KLHDC1: variants seen among roughly 807,000 people sequenced by gnomAD.
KLHDC1 encodes the protein kelch domain containing 1.
A neutral mutation model predicts 68.3 loss-of-function variants in KLHDC1; 53 were observed. The observed-to-expected ratio is 0.78, with a 90% CI of 0.62 to 0.98. The LOEUF (loss-of-function observed/expected upper bound fraction) is 0.98. Among genes scored for constraint, KLHDC1 ranks in the 50% least tolerant of loss-of-function variants. The pLI is 0.00. For synonymous variants in KLHDC1, 148 were observed against 159.0 expected, an observed-to-expected ratio of 0.93 and a Z score of 0.52; for missense variants, 470 against 492.3, an observed-to-expected ratio of 0.95 and a Z score of 0.43.
rs151061446 is a variant in KLHDC1, at chr14:49,742,668, G to T, written c.982-1085G>T. On this transcript the variant is annotated intron_variant, in intron 11 of 12. Coordinates refer to ENST00000359332, the MANE Select transcript of KLHDC1 (RefSeq NM_172193.3). The stretch of plus-strand genomic sequence containing the variant: ...AGCCTGGGCAACAGAGCGAGACTCC[G>T]TCCTAAAAAAAAAAAAAAAAAAAGA... 3.3e-3 allele frequency among the ~76,000 whole-genome samples: 407 copies of T among 124,898 alleles called. 3 individuals are homozygous for T. The highest frequency in any genetic ancestry group is 0.013 in the African/African-American group (395 of 31,264). 81.9% of individuals were successfully genotyped at this position (124,898 alleles called of 152,430 possible).
At chr14:49,693,661 G>T (rs1399849866) in intron 1 of KLHDC1, among the ~76,000 whole-genome samples, 1 of 149,858 alleles carries the variant, frequency 6.7e-6, no homozygotes, top group Admixed American at 6.7e-5. Context: ...GTATCATTTT[G>T]TATATATTTC....
chr14:49,695,115 G>GGTGTGT (rs753979963), intron 1 of KLHDC1, among the ~76,000 whole-genome samples: 6 of 22,926 alleles, frequency 2.6e-4, no homozygotes, highest in African/African-American at 5.0e-4. Context: ...ATGCAGTTTT[G>GGTGTGT]ATGTGTGTGT....
chr14:49,751,256 A>G (rs1889314166), intron 12 of KLHDC1: 1 of 156,604 alleles, frequency 6.4e-6, no homozygotes. Flanking sequence ...TCATGTTCCA[A>G]ACAAAACAAA....
At position 49,751,619 on chromosome 14, in the gene KLHDC1, C is replaced by T. The variant is rs757363334; in HGVS notation, c.1068C>T (p.Ile356=). ...SCLDCIGKNS[I]MLESQISLLP... ...TTGACTGCATTGGTAAAAATTCTAT[C>T]ATGTTAGAAAGTCAGATATCTTTAT... The change falls in exon 13 of 13, where the codon ATC becomes ATT. Residue 356 remains isoleucine (I), a synonymous_variant. Coordinates refer to ENST00000359332, the MANE Select transcript of KLHDC1 (RefSeq NM_172193.3). 4 of 1,577,614 alleles carry T rather than the reference C, an allele frequency of 2.5e-6. No individual in the cohort carries two copies. In the East Asian group the frequency reaches 9.1e-5, roughly 36 times the overall value.
At chr14:49,722,290 G>A (rs1006165857) in intron 4 of KLHDC1, among the ~76,000 whole-genome samples, 12 of 152,048 alleles carry the variant, frequency 7.9e-5, no homozygotes, top group East Asian at 3.9e-4. Context: ...GACAGGCCCC[G>A]GTGTGTGATA....
Position 49,710,309 on chromosome 14 carries a change from AG to A in KLHDC1, c.333del (p.Ile113SerfsTer24), listed in dbSNP as rs765625964. 24 of 1,612,310 alleles carry A rather than the reference AG, an allele frequency of 1.5e-5. No individual in the cohort carries two copies. Among genetic ancestry groups the A allele is most frequent in the South Asian group, 1.2e-4 (11 of 91,014 alleles). ...LRTRDETYIW[E>X]KITDFEGQPP... ...ACAAGAGATGAAACCTACATTTGGG[AG>A]AAAATCACCGACTTTGAAGGGCAAC... On this transcript the variant is annotated frameshift_variant, in exon 4 of 13. Transcript: ENST00000359332. LOFTEE classifies it high-confidence loss of function.
intron 1 of KLHDC1, among the ~76,000 whole-genome samples, chr14:49,698,047 G>T (rs539323085): frequency 6.6e-6 from 1 of 152,232 alleles, no homozygotes; most frequent in Non-Finnish European, 1.5e-5. Context: ...TAGATATAAA[G>T]GTGGCTATAT....
chr14:49,740,575 G>A (rs1393409968), intron 11 of KLHDC1, among the ~76,000 whole-genome samples: 1 of 151,842 alleles, frequency 6.6e-6, no homozygotes, highest in African/African-American at 2.4e-5. Flanking sequence ...TCCTGACCTC[G>A]TGATCCGCCC....
intron 4 of KLHDC1, among the ~76,000 whole-genome samples, chr14:49,713,435 C>A (rs1253816866): frequency 6.6e-6 from 1 of 152,010 alleles, no homozygotes; most frequent in Admixed American, 6.6e-5. Context: ...AAGAAACTTT[C>A]TTTAACTGTT....
At chr14:49,696,849 C>G (rs201805620) in intron 1 of KLHDC1, among the ~76,000 whole-genome samples, 4 of 125,098 alleles carry the variant, frequency 3.2e-5, no homozygotes, top group African/African-American at 1.2e-4. Context: ...AGCTTAATTT[C>G]TAGCTTTTGA....
At chr14:49,737,009 C>A (rs1223204353) in intron 10 of KLHDC1, among the ~76,000 whole-genome samples, 2 of 152,144 alleles carry the variant, frequency 1.3e-5, no homozygotes, top group East Asian at 3.8e-4. Flanking sequence ...AGCAAGGACC[C>A]TTTTTTATGT....
chr14:49,693,969 C>A, intron 1 of KLHDC1, among the ~76,000 whole-genome samples: 1 of 151,578 alleles, frequency 6.6e-6, no homozygotes, highest in Non-Finnish European at 1.5e-5. Context: ...TCAGGCTGGT[C>A]TTGAACTCGC....
At chr14:49,694,456 A>G (rs2052889834) in intron 1 of KLHDC1, among the ~76,000 whole-genome samples, 1 of 152,174 alleles carries the variant, frequency 6.6e-6, no homozygotes, top group African/African-American at 2.4e-5. Flanking sequence ...TATGACTGCA[A>G]TAAAGCGAGG....
chr14:49,740,347 T>C (rs559792947), intron 11 of KLHDC1, among the ~76,000 whole-genome samples, 165 bp downstream of exon 11: 1 of 152,140 alleles, frequency 6.6e-6, no homozygotes, highest in East Asian at 1.9e-4. Context: ...TTTTTGTTTG[T>C]TTGTTTTTGA....
chr14:49,741,398 T>C (rs1291998444), intron 11 of KLHDC1, among the ~76,000 whole-genome samples: 1 of 151,712 alleles, frequency 6.6e-6, no homozygotes, highest in Non-Finnish European at 1.5e-5. Context: ...CTCCACCTCC[T>C]GGGTTCAAGC....
chr14:49,710,171 A>T, intron 3 of KLHDC1, 92 bp from the exon 4 acceptor site: 1 of 697,130 alleles, frequency 1.4e-6, no homozygotes, highest in Non-Finnish European at 2.5e-6. Flanking sequence ...TTAAAAAGAA[A>T]ATAATAGTAT....
rs571329861 is a variant in KLHDC1, at chr14:49,745,417, A to C, written c.1034+1612A>C. Among the ~76,000 whole-genome samples the C allele has an allele frequency of 3.3e-5, 5 of 152,340 alleles. No individual in the cohort carries two copies. The South Asian group carries it at 8.3e-4, about 25-fold the overall frequency. On this transcript the variant is annotated intron_variant, in intron 12 of 12. Transcript: ENST00000359332. Reference sequence around the variant, plus strand: ...ATATGCAGGGATCAAGAAACACTTGAGTGCCTACTTGGGAAGGCACTGTGC... The same window carrying C: ...ATATGCAGGGATCAAGAAACACTTGCGTGCCTACTTGGGAAGGCACTGTGC...
At chr14:49,697,734 G>A (rs10146912) in intron 1 of KLHDC1, among the ~76,000 whole-genome samples, 101,120 of 152,068 alleles carry the variant, frequency 0.66, 34,345 homozygotes, top group South Asian at 0.89. Flanking sequence ...GTACCAGTAG[G>A]GGAAAATTAG....
At chr14:49,732,937 A>G in intron 9 of KLHDC1, 121 bp downstream of exon 9, 1 of 605,870 alleles carries the variant, frequency 1.7e-6, no homozygotes, top group Non-Finnish European at 2.9e-6. Flanking sequence ...CTTTATCCTC[A>G]ATTATTTTCT....
Sources: gnomAD v4.1 joint callset for allele counts (sites outside exome capture counted in the v4.1 genomes callset) on GRCh38, gnomAD v4.1.1 for gene constraint, MANE v1.5 for transcripts, NCBI Gene and HGNC (gene_info 2026-07-23, HGNC 2026-07-21) for gene names.